The following KIF17 variants were observed in gnomAD, a reference collection of about 807,000 sequenced individuals.
The protein encoded by KIF17 is kinesin-like protein KIF17.
KIF17 carries 80 observed loss-of-function variants against 96.8 expected under a neutral mutation model. That is an observed-to-expected ratio of 0.83 (90% CI 0.69 to 1.00). The LOEUF is 1.00. KIF17 is among the 50% of genes least tolerant of loss of function. The pLI, the probability that KIF17 is intolerant of heterozygous loss-of-function variation, is 0.00. For synonymous variants in KIF17, 567 were observed against 587.5 expected (o/e 0.97, Z 0.51); for missense variants, 1,280 against 1,372.9 (o/e 0.93, Z 1.07).
At chr1:20,674,151 GT>G (rs2053696239) in intron 11 of KIF17, among the ~76,000 whole-genome samples, 1 of 152,142 alleles carries the variant, frequency 6.6e-6, no homozygotes, top group African/African-American at 2.4e-5. Flanking sequence ...CTTGTCTGGA[GT>G]TCCTGGCCTC....
At chr1:20,670,374 A>G in intron 13 of KIF17, 47 bp downstream of exon 13, 1 of 1,550,896 alleles carries the variant, frequency 6.4e-7, no homozygotes, top group Non-Finnish European at 8.9e-7. Context: ...CTGGGGGCAA[A>G]GCCCTCCCAG....
chr1:20,703,184 TG>T (rs2054271994), intron 5 of KIF17, among the ~76,000 whole-genome samples: 1 of 142,610 alleles, frequency 7.0e-6, no homozygotes, highest in African/African-American at 2.5e-5. Flanking sequence ...GATGAATGGA[TG>T]GACGGATGGA....
At chr1:20,677,772 C>T (rs1402503461) in intron 11 of KIF17, among the ~76,000 whole-genome samples, 1 of 152,206 alleles carries the variant, frequency 6.6e-6, no homozygotes, top group Non-Finnish European at 1.5e-5. Context: ...GGGAGAATCT[C>T]TTGAACCCAG....
chr1:20,685,538 C>T lies in KIF17; in HGVS notation c.2019+508G>A, dbSNP rs1019415469. ...ACGCCTGGGTCCCACCCCAGAGTCACTTCCTAGCCAGGGCTGCCCCGGCTG... is the reference window on the plus strand; with the variant it reads ...ACGCCTGGGTCCCACCCCAGAGTCATTTCCTAGCCAGGGCTGCCCCGGCTG... On this transcript the variant is annotated intron_variant, in intron 9 of 14. Coordinates refer to ENST00000400463, the MANE Select transcript of KIF17 (RefSeq NM_001122819.3). This position sits in a 1 kb window ranked among gnomAD's most constrained non-coding sequence, Gnocchi z 4.1. Among the ~76,000 whole-genome samples, 4 of 152,118 alleles carry T rather than the reference C, an allele frequency of 2.6e-5. No individual in the cohort carries two copies. The highest frequency in any genetic ancestry group is 4.4e-5 in the Non-Finnish European group (3 of 68,014).
At chr1:20,686,378 C>T in intron 8 of KIF17, 1 of 567,766 alleles carries the variant, frequency 1.8e-6, no homozygotes, top group East Asian at 3.0e-5. Context: ...TGCATCCACT[C>T]CTCTGAAGCA....
intron 5 of KIF17, among the ~76,000 whole-genome samples, chr1:20,702,751 T>C (rs2054259458): frequency 6.6e-6 from 1 of 152,204 alleles, no homozygotes; most frequent in African/African-American, 2.4e-5. Context: ...TCCGGGAAGC[T>C]TTCCCTCACT....
chr1:20,679,526 G>T (rs1252267911), intron 11 of KIF17, among the ~76,000 whole-genome samples: 1 of 152,084 alleles, frequency 6.6e-6, no homozygotes, highest in Non-Finnish European at 1.5e-5. Flanking sequence ...AAGGCAGAGA[G>T]GCAGGCAGGA....
Position 20,686,262 on chromosome 1 carries a change from G to A in KIF17, c.1939-136C>T, listed in dbSNP as rs369268202. 1.3e-3 allele frequency: 966 copies of A among 731,650 alleles called. 11 individuals are homozygous for A. The African/African-American group carries it at 0.016, about 12-fold the overall frequency. 45.3% of individuals were successfully genotyped at this position (731,650 alleles called of 1,614,324 possible). On this transcript the variant is annotated intron_variant, in intron 8 of 14. Coordinates refer to ENST00000400463, the MANE Select transcript of KIF17 (RefSeq NM_001122819.3). ...CCAACCTCCCCTGCCTGTCACTCCC[G>A]AGAGAAGGAGCACAAAGGAGGGAAG...
Position 20,687,353 on chromosome 1 carries a change from A to G in KIF17, c.1938+35T>C. ...GGCCCTGGGCAAGCTCTGCCTGCTC[A>G]GTGTTCACATGGCACCATGCGTGAC... On this transcript the variant is annotated intron_variant, in intron 8 of 14. Coordinates refer to ENST00000400463, the MANE Select transcript of KIF17 (RefSeq NM_001122819.3). The surrounding 1 kb of genome is among the most constrained non-coding windows in gnomAD (Gnocchi z 4.4). 1.2e-6 allele frequency: 2 copies of G among 1,609,410 alleles called. No individual in the cohort carries two copies. The highest frequency in any genetic ancestry group is 2.2e-5 in the East Asian group (1 of 44,854).
At chr1:20,693,407 G>A (rs2054078290) in intron 6 of KIF17, among the ~76,000 whole-genome samples, 1 of 151,622 alleles carries the variant, frequency 6.6e-6, no homozygotes, top group South Asian at 2.1e-4. Context: ...TGGGACCACA[G>A]GCACCCACCA....
At chr1:20,682,328 G>A (rs1325108450) in intron 11 of KIF17, among the ~76,000 whole-genome samples, 1 of 152,154 alleles carries the variant, frequency 6.6e-6, no homozygotes, top group Non-Finnish European at 1.5e-5. Flanking sequence ...GTGCTTTCCA[G>A]CCTGGGCAAT....
At chr1:20,670,591 G>A (rs2053631233) in intron 12 of KIF17, 103 bp from the exon 13 acceptor site, 3 of 1,053,712 alleles carry the variant, frequency 2.8e-6, no homozygotes, top group South Asian at 2.5e-5. Context: ...GCTTAAACAG[G>A]GGAGGACACT....
At chr1:20,674,198 GGATTACAGGT>G (rs2053696900) in intron 11 of KIF17, among the ~76,000 whole-genome samples, 1 of 152,152 alleles carries the variant, frequency 6.6e-6, no homozygotes, top group African/African-American at 2.4e-5. Context: ...CAAAGTCCTG[GGATTACAGGT>G]GTGAGCCACT....
chr1:20,713,146 C>T (rs1344980004), intron 3 of KIF17, among the ~76,000 whole-genome samples: 1 of 150,724 alleles, frequency 6.6e-6, no homozygotes, highest in Non-Finnish European at 1.5e-5. Context: ...TAGGCATGCA[C>T]CACCACGCCC....
intron 3 of KIF17, among the ~76,000 whole-genome samples, chr1:20,711,806 C>T (rs979296447): frequency 1.3e-5 from 2 of 151,998 alleles, no homozygotes; most frequent in Non-Finnish European, 2.9e-5. Context: ...GCTGTGGAGC[C>T]CCCGGGTTCA....
In KIF17 at chr1:20,713,527, C is replaced by G. The variant is rs750363854; in HGVS notation, c.407G>C (p.Arg136Pro). 2.7e-5 allele frequency: 43 copies of G among 1,611,960 alleles called. No individual in the cohort carries two copies. The highest frequency in any genetic ancestry group is 3.6e-5 in the Non-Finnish European group (43 of 1,179,434). ...ATTGTAGATCTCCAGGTAGGAGGCC[C>G]GGACCAGGAACTTAGTGTTCTCTGC... The part of the protein sequence containing the change: ...QCAENTKFLV[R>P]ASYLEIYNED... Residue 136 changes from arginine (R) to proline (P), a missense_variant, in exon 3 of 15, where the codon CGG becomes CCG. Physicochemically the swap from Arg to Pro is moderately radical, Grantham distance 103. Coordinates refer to ENST00000400463, the MANE Select transcript of KIF17 (RefSeq NM_001122819.3).
intron 13 of KIF17, among the ~76,000 whole-genome samples, chr1:20,667,564 G>A (rs1414884886): frequency 6.6e-6 from 1 of 152,126 alleles, no homozygotes; most frequent in Non-Finnish European, 1.5e-5. Context: ...TGTCTTCCAC[G>A]AAACTGGTCC....
Position 20,664,384 on chromosome 1 carries a change from C to G in KIF17, c.*200G>C. The G allele has an allele frequency of 6.8e-7, 1 of 1,471,172 alleles. No individual in the cohort carries two copies. Among genetic ancestry groups the G allele is most frequent in the South Asian group, 1.4e-5 (1 of 72,870 alleles). 91.1% of individuals were successfully genotyped at this position (1,471,172 alleles called of 1,614,324 possible). Reference sequence around the variant, plus strand: ...GCAGGCCTCTCTAAGGAGGACTATACAGCCTCCGAGGGGCTCCTGCCCAGG... The same window carrying G: ...GCAGGCCTCTCTAAGGAGGACTATAGAGCCTCCGAGGGGCTCCTGCCCAGG... On this transcript the variant is annotated 3_prime_UTR_variant, in exon 15 of 15. Transcript: ENST00000400463.
intron 10 of KIF17, 28 bp from the exon 11 acceptor site, chr1:20,682,912 A>G: frequency 6.3e-7 from 1 of 1,588,742 alleles, no homozygotes; most frequent in South Asian, 1.1e-5. Flanking sequence ...AAAGCAAACA[A>G]GACAATATCT....
Sources: gnomAD v4.1 joint callset for allele counts (sites outside exome capture counted in the v4.1 genomes callset) on GRCh38, gnomAD v4.1.1 for gene constraint, Gnocchi (gnomAD v3.1) non-coding constraint, MANE v1.5 for transcripts, NCBI Gene and HGNC (gene_info 2026-07-23, HGNC 2026-07-21) for gene names.